Variants in RAB3GAP2 observed in about 807,000 individuals in gnomAD.
The protein encoded by RAB3GAP2 is rab3 GTPase-activating protein non-catalytic subunit.
In RAB3GAP2, 87 loss-of-function variants were observed where a neutral mutation model predicts 185.3. The observed-to-expected ratio is 0.47, with a 90% CI of 0.39 to 0.56. RAB3GAP2 has a LOEUF of 0.56. Ranked by LOEUF, RAB3GAP2 falls within the 20% of genes least tolerant of loss-of-function variation. RAB3GAP2 has a pLI of 0.00. For missense variants in RAB3GAP2, 1,492 were observed against 1,638.2 expected, an observed-to-expected ratio of 0.91 and a Z score of 1.54; for synonymous variants, 554 against 576.1, an observed-to-expected ratio of 0.96 and a Z score of 0.55.
At chr1:220,202,835 C>T (rs944285970) in intron 8 of RAB3GAP2, among the ~76,000 whole-genome samples, 1 of 151,986 alleles carries the variant, frequency 6.6e-6, no homozygotes, top group Admixed American at 6.5e-5. Context: ...ACCAGCTACT[C>T]GGGAGGCTGA....
At chr1:220,173,053 C>A (rs181213759) in intron 21 of RAB3GAP2, among the ~76,000 whole-genome samples, 1 of 152,284 alleles carries the variant, frequency 6.6e-6, no homozygotes, top group Admixed American at 6.5e-5. Context: ...ACTACGTGAG[C>A]ATAGATCTGC....
chr1:220,206,270 T>C (rs1039495310), intron 7 of RAB3GAP2, among the ~76,000 whole-genome samples: 2 of 152,138 alleles, frequency 1.3e-5, no homozygotes, highest in Non-Finnish European at 2.9e-5. Flanking sequence ...TACAATTTCA[T>C]AAAAAGTAAA....
intron 1 of RAB3GAP2, among the ~76,000 whole-genome samples, chr1:220,258,811 G>T (rs1161682119): frequency 6.6e-6 from 1 of 152,100 alleles, no homozygotes; most frequent in Non-Finnish European, 1.5e-5. Flanking sequence ...TGTTTGCAGA[G>T]GATATGATCC....
Position 220,159,449 on chromosome 1 carries a change from C to T in RAB3GAP2, c.3226-28G>A, listed in dbSNP as rs377656374. ...AAAATAAAAAGATAAAATGTTGTAA[C>T]ATTTAATAATTTAAATAAAAAGACA... On this transcript the variant is annotated intron_variant, in intron 28 of 34. Coordinates refer to ENST00000358951, the MANE Select transcript of RAB3GAP2 (RefSeq NM_012414.4). 5.3e-5 allele frequency: 80 copies of T among 1,510,694 alleles called. No homozygotes were observed. The African/African-American group carries it at 8.5e-4, about 16-fold the overall frequency. The allele number at this position is 1,510,694 out of a possible 1,614,324, so 93.6% of individuals were successfully genotyped here. A position where few individuals can be genotyped will look rare whatever the true frequency, so the allele number is the denominator to read the frequency against.
At chr1:220,156,119 T>G (rs1657852075) in intron 31 of RAB3GAP2, among the ~76,000 whole-genome samples, 1 of 151,928 alleles carries the variant, frequency 6.6e-6, no homozygotes, top group African/African-American at 2.4e-5. Flanking sequence ...CCTGGCTAGT[T>G]TTTGTGTTTT....
rs773332903 is a variant in RAB3GAP2, at chr1:220,213,954, GT to G, written c.205del (p.Thr69HisfsTer22). On this transcript the variant is annotated frameshift_variant, in exon 3 of 35. Transcript: ENST00000358951. LOFTEE classifies it high-confidence loss of function. Reference sequence around the variant, plus strand: ...ATCTTGGAGCCAGGAAGTTTTTTGTGTTTTGCAAGTATTTCCTTCTTCTTCC... The same window carrying G: ...ATCTTGGAGCCAGGAAGTTTTTTGTGTTTGCAAGTATTTCCTTCTTCTTCC... ...EPEEEGNTCK[T>X]QKTSWLQDCV... 6.2e-7 allele frequency: 1 copy of G among 1,613,112 alleles called. No homozygotes were observed. Among genetic ancestry groups the G allele is most frequent in the African/African-American group, 1.3e-5 (1 of 74,840 alleles).
At chr1:220,167,193 G>T in intron 26 of RAB3GAP2, 100 bp downstream of exon 26, 1 of 1,065,118 alleles carries the variant, frequency 9.4e-7, no homozygotes, top group Non-Finnish European at 1.4e-6. Context: ...CGGGGAAAAA[G>T]CCAGTGTTTA....
intron 1 of RAB3GAP2, among the ~76,000 whole-genome samples, chr1:220,246,264 G>A (rs1024248665): frequency 4.6e-5 from 7 of 152,130 alleles, no homozygotes; most frequent in African/African-American, 1.7e-4. Flanking sequence ...TAAAAAGTCA[G>A]GAAACAACAG....
chr1:220,257,449 A>G (rs373172415), intron 1 of RAB3GAP2, among the ~76,000 whole-genome samples: 20 of 152,292 alleles, frequency 1.3e-4, no homozygotes, highest in East Asian at 5.8e-4. Context: ...CCAGAAGCAA[A>G]TTGAACAACC....
At chr1:220,221,744 C>A (rs1181667446) in intron 2 of RAB3GAP2, among the ~76,000 whole-genome samples, 1 of 152,124 alleles carries the variant, frequency 6.6e-6, no homozygotes, top group Admixed American at 6.5e-5. Flanking sequence ...TAAAAATTTT[C>A]TTTCTTTTGA....
chr1:220,154,212 T>A, intron 31 of RAB3GAP2, 155 bp from the exon 32 acceptor site: 1 of 1,110,092 alleles, frequency 9.0e-7, no homozygotes, highest in Non-Finnish European at 1.2e-6. Context: ...AATTATCTAG[T>A]ATATAGTAGA....
intron 9 of RAB3GAP2, among the ~76,000 whole-genome samples, chr1:220,197,302 C>T (rs1658747903): frequency 1.3e-5 from 2 of 151,940 alleles, no homozygotes; most frequent in African/African-American, 4.8e-5. Flanking sequence ...TAGGCGTGTG[C>T]TGCTGTGCCT....
intron 15 of RAB3GAP2, 88 bp from the exon 16 acceptor site, chr1:220,190,234 A>G (rs1259475352): frequency 1.3e-6 from 2 of 1,499,128 alleles, no homozygotes; most frequent in African/African-American, 1.4e-5. Context: ...TTTCCTTTAT[A>G]TATTTCCTAT....
chr1:220,154,033 G>A lies in RAB3GAP2; in HGVS notation c.3580C>T (p.Leu1194=). Residue 1194 remains leucine, a synonymous_variant, in exon 32 of 35, where the codon CTA becomes TTA. Coordinates refer to ENST00000358951, the MANE Select transcript of RAB3GAP2 (RefSeq NM_012414.4). ...CTAGGTAATAACTGAATTGAAGTTA[G>A]GTCTTTGAAAAATGCATTTTTTCCC... ...SKGKNAFFKD[L]TSIQLLPSGE... The A allele has an allele frequency of 6.2e-7, 1 of 1,613,424 alleles. No individual in the cohort carries two copies. Among genetic ancestry groups the A allele is most frequent in the Non-Finnish European group, 8.5e-7 (1 of 1,179,750 alleles).
intron 2 of RAB3GAP2, among the ~76,000 whole-genome samples, chr1:220,218,236 C>T (rs562735884): frequency 2.0e-5 from 3 of 152,242 alleles, no homozygotes; most frequent in African/African-American, 7.2e-5. Context: ...AGTTTATTTT[C>T]TATGTCCTTT....
intron 19 of RAB3GAP2, among the ~76,000 whole-genome samples, chr1:220,183,425 T>C (rs1248463668): frequency 6.6e-6 from 1 of 151,972 alleles, no homozygotes; most frequent in Non-Finnish European, 1.5e-5. Flanking sequence ...ATTAAAAATT[T>C]TTTTTTTTGT....
Position 220,162,267 on chromosome 1 carries a change from G to T in RAB3GAP2, c.3156C>A (p.Gly1052=). The change falls in exon 28 of 35, where the codon GGC becomes GGA. Residue 1052 remains glycine (G), a splice_region_variant and synonymous_variant. Coordinates refer to ENST00000358951, the MANE Select transcript of RAB3GAP2 (RefSeq NM_012414.4). ...KQIFNAHVQN[G]IALMMWNTFL... ...ACGTATTCCACATCATCAGTGCAAT[G>T]CCTAGATAGCAAGTAAAAGTAGTAA... 1 of 1,583,386 alleles carries T rather than the reference G, an allele frequency of 6.3e-7. No individual in the cohort carries two copies. Among genetic ancestry groups the T allele is most frequent in the Admixed American group, 1.7e-5 (1 of 59,976 alleles).
At position 220,193,529 on chromosome 1, in the gene RAB3GAP2, C is replaced by T. The variant is rs1005835107; in HGVS notation, c.1131-150G>A. 5.0e-6 allele frequency: 4 copies of T among 801,954 alleles called. No homozygotes were observed. The African/African-American group carries it at 7.0e-5, about 14-fold the overall frequency. The allele number at this position is 801,954 out of a possible 1,614,324, so 49.7% of individuals were successfully genotyped here. A position where few individuals can be genotyped will look rare whatever the true frequency, so the allele number is the denominator to read the frequency against. ...CTGGATTAATAGTTAATTTATTAAT[C>T]ACAACTGACATTTGTAATATAAAAT... On this transcript the variant is annotated intron_variant, in intron 12 of 34. Coordinates refer to ENST00000358951, the MANE Select transcript of RAB3GAP2 (RefSeq NM_012414.4).
In RAB3GAP2 at chr1:220,185,638, C is replaced by T. The variant is rs1318244500; in HGVS notation, c.1870+13G>A. On this transcript the variant is annotated intron_variant, in intron 18 of 34. Coordinates refer to ENST00000358951, the MANE Select transcript of RAB3GAP2 (RefSeq NM_012414.4). The stretch of plus-strand genomic sequence containing the variant: ...TTAAGAACATAACCTCCAATCAGTA[C>T]AAACCCTATTACCTTGACTTTTTAA... 1 of 1,587,212 alleles carries T rather than the reference C, an allele frequency of 6.3e-7. No homozygotes were observed. Among genetic ancestry groups the T allele is most frequent in the Non-Finnish European group, 8.6e-7 (1 of 1,156,254 alleles).
Sources: allele counts gnomAD v4.1 joint callset (sites outside exome capture counted in the v4.1 genomes callset), GRCh38; gene constraint gnomAD v4.1.1; transcripts MANE v1.5; gene names NCBI Gene and HGNC (gene_info 2026-07-23, HGNC 2026-07-21).